Variants in CLSTN2 observed in about 807,000 individuals in gnomAD.
CLSTN2 encodes the protein calsyntenin-2.
CLSTN2 carries 48 observed loss-of-function variants against 101.2 expected under a neutral mutation model. The ratio of observed to expected loss-of-function variants is 0.47; its 90% CI spans 0.38 to 0.60. The LOEUF is 0.60. Ranked by LOEUF, CLSTN2 falls within the 20% of genes least tolerant of loss-of-function variation. The pLI is 0.00. For synonymous variants in CLSTN2, 481 were observed against 463.6 expected (o/e 1.04, Z -0.48); for missense variants, 1,160 against 1,238.2 (o/e 0.94, Z 0.95).
intron 1 of CLSTN2, among the ~76,000 whole-genome samples, chr3:140,031,756 A>G (rs1379506740): frequency 3.3e-5 from 5 of 152,232 alleles, no homozygotes; most frequent in East Asian, 1.9e-4. Context: ...TGGGTCCCCA[A>G]CTGCTATAAA....
At chr3:140,561,735 C>T (rs1935919707) in intron 12 of CLSTN2, among the ~76,000 whole-genome samples, 1 of 152,156 alleles carries the variant, frequency 6.6e-6, no homozygotes, top group African/African-American at 2.4e-5. Context: ...CTTACCTCTA[C>T]CCAAATGAGA....
At chr3:140,149,333 G>T in intron 1 of CLSTN2, among the ~76,000 whole-genome samples, 2 of 152,324 alleles carry the variant, frequency 1.3e-5, no homozygotes, top group South Asian at 4.1e-4. Flanking sequence ...GGCTGGAACC[G>T]TTTGGTCCAA....
intron 2 of CLSTN2, among the ~76,000 whole-genome samples, chr3:140,371,735 T>A (rs2087859587): frequency 6.6e-6 from 1 of 152,214 alleles, no homozygotes; most frequent in Non-Finnish European, 1.5e-5. Context: ...TTTCTTGGCA[T>A]CTCTACCAAA....
intron 2 of CLSTN2, among the ~76,000 whole-genome samples, chr3:140,214,790 G>A (rs1481534573): frequency 6.6e-6 from 1 of 152,164 alleles, no homozygotes; most frequent in Non-Finnish European, 1.5e-5. Context: ...TTCAGTAACG[G>A]CATAATTTAA....
intron 1 of CLSTN2, among the ~76,000 whole-genome samples, chr3:140,010,603 A>T (rs2007052822): frequency 6.6e-6 from 1 of 152,196 alleles, no homozygotes; most frequent in South Asian, 2.1e-4. Context: ...AGGCTCCTCC[A>T]TGAACCTCCT....
At chr3:140,492,435 G>T (rs1934370779) in intron 8 of CLSTN2, among the ~76,000 whole-genome samples, 1 of 152,180 alleles carries the variant, frequency 6.6e-6, no homozygotes, top group African/African-American at 2.4e-5. Context: ...AGTAGCAGCG[G>T]CAATAAGACA....
chr3:140,049,764 T>A (rs1236524142), intron 1 of CLSTN2, among the ~76,000 whole-genome samples: 1 of 152,212 alleles, frequency 6.6e-6, no homozygotes. Context: ...CTCAAGACAG[T>A]GGTGATCCCA....
At position 140,148,792 on chromosome 3, in the gene CLSTN2, G is replaced by A. The variant is rs950951259; in HGVS notation, c.110-27159G>A. ...GCTGCTAAGAAAGCCTCAAGTTCTA[G>A]GTCAGCTTCAGGATGAGGAGTCCCT... is the stretch of plus-strand genomic sequence containing the variant. On this transcript the variant is annotated intron_variant, in intron 1 of 16. Transcript: ENST00000458420. Among the ~76,000 whole-genome samples, 5 of 152,138 alleles carry A rather than the reference G, an allele frequency of 3.3e-5. 1 individual carries two copies. The highest frequency in any genetic ancestry group is 2.9e-5 in the Non-Finnish European group (2 of 68,020).
At chr3:140,499,555 G>T (rs1330605203) in intron 8 of CLSTN2, among the ~76,000 whole-genome samples, 1 of 152,152 alleles carries the variant, frequency 6.6e-6, no homozygotes, top group Non-Finnish European at 1.5e-5. Flanking sequence ...CCAATGGCCT[G>T]GGATACAGAG....
At chr3:140,450,896 C>T (rs1933232179) in intron 6 of CLSTN2, among the ~76,000 whole-genome samples, 1 of 152,152 alleles carries the variant, frequency 6.6e-6, no homozygotes, top group African/African-American at 2.4e-5. Context: ...TGGGGCTGCA[C>T]ACCTCTCCAG....
chr3:140,272,868 G>A (rs1299960939), intron 2 of CLSTN2, among the ~76,000 whole-genome samples: 1 of 152,124 alleles, frequency 6.6e-6, no homozygotes, highest in African/African-American at 2.4e-5. Flanking sequence ...GGAAGGTTGT[G>A]ATTGGCAATG....
chr3:140,123,967 A>G (rs1264830224), intron 1 of CLSTN2, among the ~76,000 whole-genome samples: 2 of 152,130 alleles, frequency 1.3e-5, no homozygotes, highest in Non-Finnish European at 2.9e-5. Flanking sequence ...TACAAAAACA[A>G]TCACACTGGG....
chr3:140,214,440 T>G (rs2010896683), intron 2 of CLSTN2, among the ~76,000 whole-genome samples: 1 of 104,648 alleles, frequency 9.6e-6, no homozygotes. Flanking sequence ...GGCCTTGCAG[T>G]GAGACTCTGT....
chr3:140,360,978 A>T (rs564686109), intron 2 of CLSTN2, among the ~76,000 whole-genome samples: 1 of 152,320 alleles, frequency 6.6e-6, no homozygotes, highest in East Asian at 1.9e-4. Context: ...CAGGAAATAG[A>T]GGAGGAAGAA....
chr3:140,267,935 G>A (rs1181358295), intron 2 of CLSTN2, among the ~76,000 whole-genome samples: 4 of 152,134 alleles, frequency 2.6e-5, no homozygotes, highest in African/African-American at 9.7e-5. Flanking sequence ...CTGATTCTGT[G>A]AAATGATATT....
At chr3:140,009,684 A>G (rs2007032575) in intron 1 of CLSTN2, among the ~76,000 whole-genome samples, 1 of 152,214 alleles carries the variant, frequency 6.6e-6, no homozygotes. Flanking sequence ...TTCTGTTGTT[A>G]TAAATTTTTG....
chr3:140,360,104 C>T lies in CLSTN2; in HGVS notation c.233-43525C>T, dbSNP rs377683973. On this transcript the variant is annotated intron_variant, in intron 2 of 16. Transcript: ENST00000458420. ...CACATTTATAATTTAGGAGTATGTA[C>T]TGGTAAAACTACTATCCTGGAAAGC... 7.2e-5 allele frequency among the ~76,000 whole-genome samples: 11 copies of T among 152,138 alleles called. No individual in the cohort carries two copies. The East Asian group carries it at 1.4e-3, about 19-fold the overall frequency.
rs776789108 is a variant in CLSTN2 at position 140,566,100 on chromosome 3, GGAGGAAGAAGCC to G, written c.2725_2736del (p.Ala909_Glu912del). The G allele has an allele frequency of 6.2e-7, 1 of 1,612,508 alleles. No individual in the cohort carries two copies. The highest frequency in any genetic ancestry group is 8.5e-7 in the Non-Finnish European group (1 of 1,178,564). On this transcript the variant is annotated inframe_deletion, in exon 17 of 17. Transcript: ENST00000458420. ...GGGAAGATGAGACTGAGGGAGAAGA[GGAGGAAGAAGCC>G]GAGGAAGAAATGAGCTCCAGCAGTG...
intron 2 of CLSTN2, among the ~76,000 whole-genome samples, chr3:140,285,978 G>C (rs1465304832): frequency 6.6e-6 from 1 of 152,200 alleles, no homozygotes; most frequent in East Asian, 1.9e-4. Context: ...GCACAGCCCT[G>C]CTGGCCTCTA....
Sources: allele counts gnomAD v4.1 joint callset (sites outside exome capture counted in the v4.1 genomes callset), GRCh38; gene constraint gnomAD v4.1.1; transcripts MANE v1.5; gene names NCBI Gene and HGNC (gene_info 2026-07-23, HGNC 2026-07-21).